NOL4: variants seen among roughly 807,000 people sequenced by gnomAD.
NOL4 encodes the protein nucleolar protein 4, also known as cancer/testis antigen 125.
NOL4 carries 17 observed loss-of-function variants against 75.9 expected under a neutral mutation model. That is an observed-to-expected ratio of 0.22 (90% CI 0.15 to 0.34). The LOEUF (loss-of-function observed/expected upper bound fraction) is 0.34, where lower values mean the gene tolerates loss of function less well. Ranked by LOEUF, NOL4 falls within the 10% of genes least tolerant of loss-of-function variation. The probability of loss-of-function intolerance (pLI) is 1.00; values close to 1 mark genes in which losing one functional copy is unlikely to be tolerated. For synonymous variants in NOL4, 292 were observed against 289.9 expected, an observed-to-expected ratio of 1.01 and a Z score of -0.07; for missense variants, 614 against 793.5, an observed-to-expected ratio of 0.77 and a Z score of 2.72.
At chr18:33,908,555 C>T (rs908410024) in intron 9 of NOL4, among the ~76,000 whole-genome samples, 1 of 151,986 alleles carries the variant, frequency 6.6e-6, no homozygotes, top group Non-Finnish European at 1.5e-5. Context: ...GATCTTAATT[C>T]CTATGTGTTG....
intron 9 of NOL4, among the ~76,000 whole-genome samples, chr18:33,923,645 G>A (rs531309631): frequency 1.9e-4 from 29 of 152,000 alleles, no homozygotes; most frequent in African/African-American, 4.1e-4. Context: ...GACAAATACC[G>A]TCTTCCTTAT....
intron 1 of NOL4, among the ~76,000 whole-genome samples, chr18:34,169,135 G>T (rs2032749648): frequency 6.6e-6 from 1 of 151,804 alleles, no homozygotes; most frequent in South Asian, 2.1e-4. Context: ...AAGAGCACCA[G>T]AAATAGTAAC....
intron 9 of NOL4, among the ~76,000 whole-genome samples, chr18:33,938,539 T>C (rs545409523): frequency 4.6e-5 from 7 of 152,234 alleles, no homozygotes; most frequent in African/African-American, 1.7e-4. Flanking sequence ...GCAGTGACAA[T>C]GAGCTCTTTT....
At chr18:33,947,285 T>C (rs1338217597) in intron 8 of NOL4, among the ~76,000 whole-genome samples, 2 of 151,744 alleles carry the variant, frequency 1.3e-5, no homozygotes, top group Admixed American at 1.3e-4. Flanking sequence ...CATTTGACAG[T>C]TGAGGGCTTA....
At chr18:34,141,164 C>T (rs917857719) in intron 1 of NOL4, among the ~76,000 whole-genome samples, 2 of 152,170 alleles carry the variant, frequency 1.3e-5, no homozygotes, top group African/African-American at 4.8e-5. Context: ...CTACAAACCA[C>T]TGCTTAACGA....
At chr18:34,007,732 C>T (rs1166257037) in intron 6 of NOL4, among the ~76,000 whole-genome samples, 1 of 151,996 alleles carries the variant, frequency 6.6e-6, no homozygotes. Context: ...AAACATCATT[C>T]ATGGATTTTA....
At chr18:34,153,280 A>G (rs1249951864) in intron 1 of NOL4, among the ~76,000 whole-genome samples, 1 of 151,940 alleles carries the variant, frequency 6.6e-6, no homozygotes, top group Non-Finnish European at 1.5e-5. Context: ...GAAGGCTCGA[A>G]TCATGAAATG....
At chr18:33,931,353 T>C (rs1329387765) in intron 9 of NOL4, among the ~76,000 whole-genome samples, 1 of 151,994 alleles carries the variant, frequency 6.6e-6, no homozygotes, top group Non-Finnish European at 1.5e-5. Flanking sequence ...GTAGGTGGGG[T>C]GATGGGGAAA....
chr18:33,875,022 G>A (rs1037957805), intron 10 of NOL4, among the ~76,000 whole-genome samples: 2 of 151,984 alleles, frequency 1.3e-5, no homozygotes, highest in African/African-American at 4.8e-5. Flanking sequence ...CTACAATTTG[G>A]TCTTGATAGA....
intron 6 of NOL4, among the ~76,000 whole-genome samples, chr18:33,983,025 T>C (rs140996395): frequency 0.016 from 2,369 of 152,062 alleles, 62 homozygotes; most frequent in African/African-American, 0.054. Flanking sequence ...GCTGGGATTA[T>C]AGGTGTGTGC....
chr18:34,172,198 G>T (rs903170818), intron 1 of NOL4, among the ~76,000 whole-genome samples: 2 of 152,046 alleles, frequency 1.3e-5, no homozygotes, highest in African/African-American at 2.4e-5. Flanking sequence ...TATATCACTT[G>T]CAGCATTATT....
intron 9 of NOL4, among the ~76,000 whole-genome samples, chr18:33,937,122 T>C (rs1319250328): frequency 6.6e-6 from 1 of 151,972 alleles, no homozygotes; most frequent in Non-Finnish European, 1.5e-5. Flanking sequence ...AAATTTTATG[T>C]TAAATCTAGA....
At chr18:33,927,875 A>G (rs75985131) in intron 9 of NOL4, among the ~76,000 whole-genome samples, 1 of 152,136 alleles carries the variant, frequency 6.6e-6, no homozygotes, top group African/African-American at 2.4e-5. Flanking sequence ...CACACGAGAC[A>G]TGTCACACAT....
intron 1 of NOL4, among the ~76,000 whole-genome samples, chr18:34,220,155 A>G (rs971730645): frequency 6.6e-6 from 1 of 152,222 alleles, no homozygotes; most frequent in Non-Finnish European, 1.5e-5. Context: ...ACTTAAAGAT[A>G]GTCTTGTTTC....
At chr18:34,185,378 G>A (rs2034377573) in intron 1 of NOL4, among the ~76,000 whole-genome samples, 1 of 152,118 alleles carries the variant, frequency 6.6e-6, no homozygotes, top group African/African-American at 2.4e-5. Flanking sequence ...AAAGCAACAG[G>A]AAGAAGGCCA....
chr18:33,960,809 T>A (rs1470917290), intron 6 of NOL4, among the ~76,000 whole-genome samples: 1 of 152,168 alleles, frequency 6.6e-6, no homozygotes, highest in Non-Finnish European at 1.5e-5. Flanking sequence ...TGACTACTTA[T>A]GAGGTTATTG....
At chr18:33,898,692 T>A (rs1301943848) in intron 9 of NOL4, among the ~76,000 whole-genome samples, 1 of 152,210 alleles carries the variant, frequency 6.6e-6, no homozygotes, top group African/African-American at 2.4e-5. Flanking sequence ...ATTATTGTGA[T>A]AACATACCAA....
At chr18:34,172,268 C>A (rs1487513389) in intron 1 of NOL4, among the ~76,000 whole-genome samples, 1 of 152,002 alleles carries the variant, frequency 6.6e-6, no homozygotes, top group Non-Finnish European at 1.5e-5. Context: ...TGAAATTAAT[C>A]TTTTGACTAA....
At chr18:33,940,011 C>G (rs1254799977) in intron 9 of NOL4, among the ~76,000 whole-genome samples, 2 of 152,110 alleles carry the variant, frequency 1.3e-5, no homozygotes, top group Non-Finnish European at 2.9e-5. Flanking sequence ...GATATCATCT[C>G]ACGCCAGTTA....
Sources: gnomAD v4.1 joint callset for allele counts (sites outside exome capture counted in the v4.1 genomes callset) on GRCh38, gnomAD v4.1.1 for gene constraint, MANE v1.5 for transcripts, NCBI Gene and HGNC (gene_info 2026-07-23, HGNC 2026-07-21) for gene names.